HPSE2: variants seen among roughly 807,000 people sequenced by gnomAD.
HPSE2 encodes the protein inactive heparanase-2.
A neutral mutation model predicts 60.5 loss-of-function variants in HPSE2; 38 were observed. The ratio of observed to expected loss-of-function variants is 0.63; its 90% CI spans 0.48 to 0.82. HPSE2 has a LOEUF of 0.82. HPSE2 is among the 40% of genes least tolerant of loss of function. The probability of loss-of-function intolerance (pLI) is 0.00; values close to 1 mark genes in which losing one functional copy is unlikely to be tolerated. For missense variants in HPSE2, 713 were observed against 740.4 expected (o/e 0.96, Z 0.43); for synonymous variants, 295 against 293.2 (o/e 1.01, Z -0.06).
chr10:98,653,546 T>C (rs1259362542), intron 6 of HPSE2, among the ~76,000 whole-genome samples: 1 of 151,970 alleles, frequency 6.6e-6, no homozygotes, highest in Non-Finnish European at 1.5e-5. Context: ...TGCCCTAGAA[T>C]TTCCAATATA....
chr10:99,011,869 A>G (rs1203972200), intron 3 of HPSE2, among the ~76,000 whole-genome samples: 1 of 151,984 alleles, frequency 6.6e-6, no homozygotes, highest in Non-Finnish European at 1.5e-5. Context: ...AATTCTTAAA[A>G]GCATTCAAAA....
intron 3 of HPSE2, among the ~76,000 whole-genome samples, chr10:98,830,228 G>A (rs539663257): frequency 1.6e-4 from 25 of 152,246 alleles, no homozygotes; most frequent in African/African-American, 5.3e-4. Context: ...TGTGTTAATA[G>A]AGATTACATT....
chr10:99,043,280 C>G (rs1036730237), intron 3 of HPSE2, among the ~76,000 whole-genome samples: 58 of 152,010 alleles, frequency 3.8e-4, no homozygotes, highest in African/African-American at 1.3e-3. Context: ...GTCAGGAGAT[C>G]GAGACCATCC....
At chr10:99,144,028 G>A (rs1845960739) in intron 3 of HPSE2, among the ~76,000 whole-genome samples, 1 of 152,182 alleles carries the variant, frequency 6.6e-6, no homozygotes, top group Non-Finnish European at 1.5e-5. Context: ...GTTTTCATCA[G>A]TTCTGTGTTT....
rs147769817 is a variant in HPSE2 at position 98,504,952 on chromosome 10, C to T, written c.1321-14756G>A. Reference sequence around the variant, plus strand: ...GTGTGTTAGCTTTATAAAAATGGTACGTAATTTCCTGTGTCTTAATTTTTT... The same window carrying T: ...GTGTGTTAGCTTTATAAAAATGGTATGTAATTTCCTGTGTCTTAATTTTTT... On this transcript the variant is annotated intron_variant, in intron 9 of 11. Coordinates refer to ENST00000370552, the MANE Select transcript of HPSE2 (RefSeq NM_021828.5). 1.9e-3 allele frequency among the ~76,000 whole-genome samples: 293 copies of T among 152,220 alleles called. 6 individuals carry two copies. The South Asian group carries it at 0.021, about 11-fold the overall frequency.
intron 3 of HPSE2, among the ~76,000 whole-genome samples, chr10:98,753,257 T>C (rs928310926): frequency 1.8e-4 from 28 of 152,154 alleles, no homozygotes; most frequent in African/African-American, 6.0e-4. Flanking sequence ...TAATGACAAG[T>C]GCTGGCGTGG....
chr10:98,975,634 G>A (rs1036238592), intron 3 of HPSE2, among the ~76,000 whole-genome samples: 2 of 152,148 alleles, frequency 1.3e-5, no homozygotes, highest in Non-Finnish European at 2.9e-5. Context: ...ATAAGCATAT[G>A]TAATTTATTC....
chr10:98,742,732 G>A (rs1949527716), intron 4 of HPSE2, among the ~76,000 whole-genome samples: 1 of 149,800 alleles, frequency 6.7e-6, no homozygotes. Flanking sequence ...TGTGTTCCAT[G>A]GAGTATTGTT....
the HPSE2 span, among the ~76,000 whole-genome samples, chr10:99,300,857 A>C: frequency 6.6e-6 from 1 of 152,100 alleles, no homozygotes; most frequent in Non-Finnish European, 1.5e-5. Flanking sequence ...ATCCTTTGAG[A>C]CCCGAGGCTC....
At chr10:99,047,585 G>A in intron 3 of HPSE2, 1 of 603,344 alleles carries the variant, frequency 1.7e-6, no homozygotes, top group South Asian at 2.0e-5. Context: ...AGGTCTAATA[G>A]CCAGAATCTA....
At chr10:98,470,289 G>A (rs1383425280) in intron 11 of HPSE2, among the ~76,000 whole-genome samples, 2 of 152,218 alleles carry the variant, frequency 1.3e-5, no homozygotes, top group African/African-American at 4.8e-5. Context: ...GTCTCAGGTG[G>A]TACAGGCTCT....
At chr10:99,080,432 C>T (rs1050547637) in intron 3 of HPSE2, among the ~76,000 whole-genome samples, 49 of 152,074 alleles carry the variant, frequency 3.2e-4, no homozygotes, top group African/African-American at 1.2e-3. Flanking sequence ...CTTCTTAAAG[C>T]CATAGGTCTT....
chr10:98,939,496 TA>T (rs1954921922), intron 3 of HPSE2, among the ~76,000 whole-genome samples: 1 of 143,524 alleles, frequency 7.0e-6, no homozygotes, highest in Admixed American at 6.9e-5. Context: ...GGCCATTACA[TA>T]ATGGTAAAGG....
intron 3 of HPSE2, among the ~76,000 whole-genome samples, chr10:99,060,800 A>T (rs979626609): frequency 1.3e-5 from 2 of 152,130 alleles, no homozygotes; most frequent in Non-Finnish European, 2.9e-5. Context: ...TTGCAAAAAC[A>T]CAAATGGAAC....
chr10:99,314,056 C>A, the HPSE2 span, among the ~76,000 whole-genome samples: 2 of 152,286 alleles, frequency 1.3e-5, no homozygotes, highest in East Asian at 3.9e-4. Flanking sequence ...GCAGCCACCA[C>A]CCCGTCAGTC....
chr10:99,249,513 T>G, the HPSE2 span, among the ~76,000 whole-genome samples: 1 of 152,222 alleles, frequency 6.6e-6, no homozygotes, highest in Non-Finnish European at 1.5e-5. Flanking sequence ...CTAACTTGTT[T>G]TTGATTTTAC....
chr10:99,092,504 G>T (rs1265085571), intron 3 of HPSE2, among the ~76,000 whole-genome samples: 1 of 152,122 alleles, frequency 6.6e-6, no homozygotes, highest in Non-Finnish European at 1.5e-5. Context: ...TCACAGAGAA[G>T]AATATTCTGA....
chr10:98,730,817 T>C (rs1949208994), intron 4 of HPSE2, among the ~76,000 whole-genome samples: 1 of 152,166 alleles, frequency 6.6e-6, no homozygotes, highest in African/African-American at 2.4e-5. Flanking sequence ...GAGGTAGTAA[T>C]TAAAAATCTT....
intron 3 of HPSE2, among the ~76,000 whole-genome samples, chr10:98,913,103 A>G (rs567583410): frequency 1.3e-5 from 2 of 152,352 alleles, no homozygotes; most frequent in African/African-American, 2.4e-5. Flanking sequence ...AATAAAATAC[A>G]TAACTTTAAA....
Sources: gnomAD v4.1 joint callset for allele counts (sites outside exome capture counted in the v4.1 genomes callset) on GRCh38, gnomAD v4.1.1 for gene constraint, MANE v1.5 for transcripts, NCBI Gene and HGNC (gene_info 2026-07-23, HGNC 2026-07-21) for gene names.